KIF1B: variants seen among roughly 807,000 people sequenced by gnomAD.
KIF1B encodes the protein kinesin-like protein KIF1B.
In KIF1B, 76 loss-of-function variants were observed where a neutral mutation model predicts 241.9. That is an observed-to-expected ratio of 0.31 (90% confidence interval 0.26 to 0.38). KIF1B has a LOEUF of 0.38. Among genes scored for constraint, KIF1B ranks in the 10% least tolerant of loss-of-function variants. The pLI, the probability that KIF1B is intolerant of heterozygous loss-of-function variation, is 1.00. For missense variants in KIF1B, 1,622 were observed against 2,271.4 expected (o/e 0.71, Z 5.81); for synonymous variants, 750 against 796.7 (o/e 0.94, Z 0.99).
chr1:10,277,580 C>T (rs1483445954), intron 12 of KIF1B, among the ~76,000 whole-genome samples: 1 of 152,148 alleles, frequency 6.6e-6, no homozygotes, highest in Non-Finnish European at 1.5e-5. Flanking sequence ...CTCAAGTGAT[C>T]CTCCCCACTT....
chr1:10,378,826 C>G lies in KIF1B; in HGVS notation c.*2239C>G, dbSNP rs1215016648. 1 of 245,114 alleles carries G rather than the reference C, an allele frequency of 4.1e-6. No homozygotes were observed. The highest frequency in any genetic ancestry group is 5.9e-5 in the East Asian group (1 of 17,034). The allele number at this position is 245,114 out of a possible 1,614,324, so 15.2% of individuals were successfully genotyped here. On this transcript the variant is annotated 3_prime_UTR_variant, in exon 49 of 49. Transcript: ENST00000676179. ...AGAGAGAAAGGAAAGGATAGAATCA[C>G]AGGCTGCGTCTGCACCTGAAAAGTG...
At chr1:10,215,628 C>T (rs1166471487) in intron 1 of KIF1B, among the ~76,000 whole-genome samples, 3 of 152,140 alleles carry the variant, frequency 2.0e-5, no homozygotes, top group African/African-American at 7.2e-5. Flanking sequence ...TCACTGCAGC[C>T]TTGACCTCCT....
At chr1:10,284,957 G>T (rs1169994213) in intron 15 of KIF1B, among the ~76,000 whole-genome samples, 1 of 152,190 alleles carries the variant, frequency 6.6e-6, no homozygotes, top group African/African-American at 2.4e-5. Context: ...AGCAAAGGGA[G>T]AAGGAGTGAG....
chr1:10,266,261 C>T (rs370287969), intron 5 of KIF1B, among the ~76,000 whole-genome samples: 41 of 152,300 alleles, frequency 2.7e-4, no homozygotes, highest in African/African-American at 9.6e-4. Context: ...TCAAGCCATT[C>T]GCAAGACTAT....
intron 5 of KIF1B, 73 bp downstream of exon 5, chr1:10,262,043 A>G: frequency 1.0e-6 from 1 of 991,222 alleles, no homozygotes; most frequent in East Asian, 2.4e-5. Flanking sequence ...AATGGCTCCA[A>G]ATTATGACTG....
chr1:10,348,594 C>T (rs762725695), intron 36 of KIF1B, 55 bp from the exon 37 acceptor site: 116 of 1,341,426 alleles, frequency 8.6e-5, no homozygotes, highest in Non-Finnish European at 1.1e-4. Context: ...AAACAGTAGA[C>T]GAGAGGAGAT....
intron 44 of KIF1B, 24 bp from the exon 45 acceptor site, chr1:10,371,117 T>C: frequency 6.2e-7 from 1 of 1,614,152 alleles, no homozygotes; most frequent in Non-Finnish European, 8.5e-7. Context: ...TGAATGTAAC[T>C]TGTAGTGTTC....
At position 10,271,355 on chromosome 1, in the gene KIF1B, C is replaced by G. The variant is rs1401538644; in HGVS notation, c.721-147C>G. 1.1e-5 allele frequency: 8 copies of G among 725,668 alleles called. No homozygotes were observed. The East Asian group carries it at 2.0e-4, about 19-fold the overall frequency. 45.0% of individuals were successfully genotyped at this position (725,668 alleles called of 1,614,324 possible). A position where few individuals can be genotyped will look rare whatever the true frequency, so the allele number is the denominator to read the frequency against. Reference sequence around the variant, plus strand: ...GTTTAAACTAACTGATAGATGTTGTCTTGATCTTTTTGTGCCATATTTAAA... The same window carrying G: ...GTTTAAACTAACTGATAGATGTTGTGTTGATCTTTTTGTGCCATATTTAAA... On this transcript the variant is annotated intron_variant, in intron 7 of 48. Transcript: ENST00000676179.
intron 5 of KIF1B, among the ~76,000 whole-genome samples, chr1:10,264,536 G>T (rs922679149): frequency 3.3e-5 from 5 of 152,208 alleles, no homozygotes; most frequent in Non-Finnish European, 7.3e-5. Flanking sequence ...AGTATTGTAT[G>T]TACAAATTTA....
intron 35 of KIF1B, 105 bp from the exon 36 acceptor site, chr1:10,347,656 T>C: frequency 1.1e-6 from 1 of 893,036 alleles, no homozygotes; most frequent in Admixed American, 1.7e-5. Context: ...CCAGCATGGG[T>C]GAGAAAGACA....
At chr1:10,216,111 A>G (rs1335891913) in intron 1 of KIF1B, among the ~76,000 whole-genome samples, 2 of 152,228 alleles carry the variant, frequency 1.3e-5, no homozygotes, top group African/African-American at 2.4e-5. Flanking sequence ...AAACTAAAAC[A>G]GGCCAAGTGA....
chr1:10,244,733 C>T (rs1647184569), intron 2 of KIF1B, among the ~76,000 whole-genome samples: 2 of 152,018 alleles, frequency 1.3e-5, no homozygotes, highest in Non-Finnish European at 2.9e-5. Context: ...CTGCCTCGGC[C>T]TCCCGAGTAG....
intron 22 of KIF1B, chr1:10,305,220 T>C (rs975213000): frequency 2.9e-5 from 30 of 1,043,974 alleles, no homozygotes; most frequent in African/African-American, 3.3e-5. Context: ...TTGCAATACA[T>C]AGCTTTGCAT....
At chr1:10,225,106 C>G (rs1437684957) in intron 1 of KIF1B, among the ~76,000 whole-genome samples, 2 of 152,174 alleles carry the variant, frequency 1.3e-5, no homozygotes, top group Non-Finnish European at 2.9e-5. Flanking sequence ...CGCTCACCTC[C>G]TGCTGTGTGG....
At position 10,352,644 on chromosome 1, in the gene KIF1B, T is replaced by G. The variant is rs1652836121; in HGVS notation, c.3963T>G (p.Asn1321Lys). The stretch of plus-strand genomic sequence containing the variant: ...CCTTTCTTTTAGGTCGTATTCGGAA[T>G]AAGCCTGAGGTGGATGAAGCTGCAG... ...VRELVVGRIR[N>K]KPEVDEAAVD... The change falls in exon 38 of 49, where the codon AAT (asparagine) becomes AAG (lysine). Residue 1321 changes from asparagine (N) to lysine (K), a missense_variant. Around this residue, in one of 7 missense-constraint regions of KIF1B, gnomAD observed 803 missense variants for 1,112.0 expected, o/e 0.72. Transcript: ENST00000676179. 3.1e-6 allele frequency: 5 copies of G among 1,613,756 alleles called. No individual in the cohort carries two copies. The highest frequency in any genetic ancestry group is 4.2e-6 in the Non-Finnish European group (5 of 1,179,662).
chr1:10,273,637 T>A (rs1648921909), intron 10 of KIF1B, among the ~76,000 whole-genome samples: 1 of 143,146 alleles, frequency 7.0e-6, no homozygotes, highest in South Asian at 2.1e-4. Flanking sequence ...AATGAGATGA[T>A]GATGATGTGG....
chr1:10,241,734 G>C (rs929439516), intron 2 of KIF1B, among the ~76,000 whole-genome samples: 3 of 152,024 alleles, frequency 2.0e-5, no homozygotes, highest in Non-Finnish European at 4.4e-5. Context: ...GTTTCTCATA[G>C]GAGAAAGCAA....
chr1:10,225,619 A>G (rs1646899623), intron 1 of KIF1B, among the ~76,000 whole-genome samples: 2 of 152,258 alleles, frequency 1.3e-5, no homozygotes, highest in African/African-American at 2.4e-5. Flanking sequence ...AAGGTCCTGG[A>G]AGAATAAATT....
At chr1:10,288,115 G>A (rs1305116640) in intron 15 of KIF1B, among the ~76,000 whole-genome samples, 2 of 152,104 alleles carry the variant, frequency 1.3e-5, no homozygotes, top group Non-Finnish European at 2.9e-5. Flanking sequence ...TGCAGGGTGG[G>A]GCTGGGAGGA....
Sources: gnomAD v4.1 joint callset for allele counts (sites outside exome capture counted in the v4.1 genomes callset) on GRCh38, gnomAD v4.1.1 for gene constraint, gnomAD v4.1.1 regional missense constraint, MANE v1.5 for transcripts, NCBI Gene and HGNC (gene_info 2026-07-23, HGNC 2026-07-21) for gene names.